The following ADAMTSL1 variants were observed in gnomAD, a reference collection of about 807,000 sequenced individuals.
ADAMTSL1 encodes ADAMTS-like protein 1.
A neutral mutation model predicts 201.8 loss-of-function variants in ADAMTSL1; 126 were observed. The ratio of observed to expected loss-of-function variants is 0.62; its 90% confidence interval spans 0.54 to 0.72. The LOEUF (loss-of-function observed/expected upper bound fraction) is 0.72, where lower values mean the gene tolerates loss of function less well. ADAMTSL1 is among the 30% of genes least tolerant of loss of function. The probability of loss-of-function intolerance (pLI) is 0.00; values close to 1 mark genes in which losing one functional copy is unlikely to be tolerated. For missense variants in ADAMTSL1, 2,679 were observed against 2,277.8 expected (o/e 1.18, Z -3.59); for synonymous variants, 1,121 against 903.4 (o/e 1.24, Z -4.32).
intron 1 of ADAMTSL1, among the ~76,000 whole-genome samples, chr9:17,994,781 C>T (rs1215645524): frequency 6.6e-6 from 1 of 152,086 alleles, no homozygotes; most frequent in East Asian, 1.9e-4. Context: ...AGGCTCTTTT[C>T]TAGGTAGACA....
chr9:18,618,858 C>A (rs184497338), intron 4 of ADAMTSL1, among the ~76,000 whole-genome samples: 4 of 152,128 alleles, frequency 2.6e-5, no homozygotes, highest in African/African-American at 9.7e-5. Flanking sequence ...GAAATGTATT[C>A]TTTTAACTGC....
chr9:18,175,365 G>C (rs572015912), intron 2 of ADAMTSL1, among the ~76,000 whole-genome samples: 18 of 152,248 alleles, frequency 1.2e-4, no homozygotes, highest in South Asian at 2.1e-4. Context: ...CCATTCTGCA[G>C]ACACTGTGCA....
At chr9:17,911,673 C>G (rs1431903089) in intron 1 of ADAMTSL1, among the ~76,000 whole-genome samples, 1 of 68,180 alleles carries the variant, frequency 1.5e-5, no homozygotes, top group African/African-American at 2.9e-5. Flanking sequence ...AACTAAAATT[C>G]TTTTTCTTAT....
At chr9:17,959,072 T>G (rs1817612765) in intron 1 of ADAMTSL1, among the ~76,000 whole-genome samples, 1 of 152,220 alleles carries the variant, frequency 6.6e-6, no homozygotes, top group Non-Finnish European at 1.5e-5. Context: ...TAATATAGTA[T>G]TATTTTTATT....
chr9:18,907,125 G>T, intron 28 of ADAMTSL1: 1 of 563,532 alleles, frequency 1.8e-6, no homozygotes, highest in Non-Finnish European at 3.1e-6. Context: ...GGGCTTCCAT[G>T]ATCTCCATCC....
intron 1 of ADAMTSL1, among the ~76,000 whole-genome samples, chr9:17,960,557 C>T (rs1563920392): frequency 6.6e-6 from 1 of 152,180 alleles, no homozygotes; most frequent in Non-Finnish European, 1.5e-5. Context: ...TTCTAGTCAT[C>T]ATTCATTGTA....
At chr9:18,302,701 A>G (rs1228551872) in intron 2 of ADAMTSL1, among the ~76,000 whole-genome samples, 2 of 152,210 alleles carry the variant, frequency 1.3e-5, no homozygotes, top group East Asian at 3.9e-4. Flanking sequence ...CTTTACTCAT[A>G]CTGCCTTTTA....
rs370940110 is a variant in ADAMTSL1 at position 18,681,697 on chromosome 9, T to TGTGTGTG, written c.1342-114_1342-113insTGTGTGG. 383 of 240,190 alleles carry TGTGTGTG rather than the reference T, an allele frequency of 1.6e-3. 4 individuals carry two copies. The highest frequency in any genetic ancestry group is 5.0e-3 in the East Asian group (80 of 15,904). The allele number at this position is 240,190 out of a possible 1,614,324, so 14.9% of individuals were successfully genotyped here. On this transcript the variant is annotated intron_variant, in intron 11 of 28. Coordinates refer to ENST00000380548, the MANE Select transcript of ADAMTSL1 (RefSeq NM_001040272.6). ...TATAAATTTACCAGGAGTCCTCGTGTGGGGGGGGGGGGCGGGGAAAAAGAA... is the reference window on the plus strand; with the variant it reads ...TATAAATTTACCAGGAGTCCTCGTGTGTGTGTGGGGGGGGGGGGGCGGGGAAAAAGAA...
chr9:18,804,578 G>A (rs183022889), intron 20 of ADAMTSL1, among the ~76,000 whole-genome samples: 267 of 152,272 alleles, frequency 1.8e-3, no homozygotes, highest in Non-Finnish European at 3.3e-3. Context: ...AAAGCTTCTG[G>A]CCAGCAAGGA....
intron 3 of ADAMTSL1, among the ~76,000 whole-genome samples, chr9:18,539,859 C>T (rs1820017926): frequency 6.6e-6 from 1 of 152,100 alleles, no homozygotes; most frequent in Non-Finnish European, 1.5e-5. Context: ...TATTAAGTTG[C>T]TTGGACCTAA....
chr9:18,157,545 G>T (rs886364945), intron 1 of ADAMTSL1, among the ~76,000 whole-genome samples: 1 of 151,872 alleles, frequency 6.6e-6, no homozygotes, highest in Non-Finnish European at 1.5e-5. Flanking sequence ...AATCAGACCC[G>T]AACTAAGCAG....
At chr9:18,340,758 TA>T (rs752369233) in intron 2 of ADAMTSL1, among the ~76,000 whole-genome samples, 1 of 152,140 alleles carries the variant, frequency 6.6e-6, no homozygotes, top group Non-Finnish European at 1.5e-5. Context: ...TGCTGCCATG[TA>T]AGATGTGCCT....
At chr9:18,353,121 G>A (rs550264663) in intron 2 of ADAMTSL1, among the ~76,000 whole-genome samples, 2 of 152,312 alleles carry the variant, frequency 1.3e-5, no homozygotes, top group East Asian at 3.9e-4. Flanking sequence ...TGACTTCAAT[G>A]TCAGGCTTGC....
chr9:18,451,849 T>C lies in ADAMTSL1; in HGVS notation c.208-52980T>C, dbSNP rs557077604. On this transcript the variant is annotated intron_variant, in intron 2 of 29. Transcript: ENST00000680146. Reference sequence around the variant, plus strand: ...GGCCCACATCTGGCAAGGGCCCTCATGTTGCATGGTGGAAGATGCAAAGGC... The same window carrying C: ...GGCCCACATCTGGCAAGGGCCCTCACGTTGCATGGTGGAAGATGCAAAGGC... 9.8e-5 allele frequency among the ~76,000 whole-genome samples: 15 copies of C among 152,330 alleles called. No individual in the cohort carries two copies. The South Asian group carries it at 1.0e-3, about 11-fold the overall frequency.
intron 23 of ADAMTSL1, among the ~76,000 whole-genome samples, chr9:18,831,909 T>C (rs1331851216): frequency 6.6e-6 from 1 of 152,176 alleles, no homozygotes; most frequent in Non-Finnish European, 1.5e-5. Flanking sequence ...AGCCTCATTA[T>C]GATGCTTTGG....
intron 2 of ADAMTSL1, among the ~76,000 whole-genome samples, chr9:18,518,286 C>T (rs773676482): frequency 5.3e-5 from 8 of 152,070 alleles, no homozygotes; most frequent in Non-Finnish European, 1.2e-4. Flanking sequence ...AGTTTTTCCA[C>T]CCCGCCCCCC....
chr9:17,942,613 C>G (rs1419171832), intron 1 of ADAMTSL1, among the ~76,000 whole-genome samples: 1 of 152,108 alleles, frequency 6.6e-6, no homozygotes, highest in Non-Finnish European at 1.5e-5. Context: ...TGGCCTGCAC[C>G]AAAATATCAA....
At chr9:18,005,562 C>T (rs534100539) in intron 1 of ADAMTSL1, among the ~76,000 whole-genome samples, 1 of 152,148 alleles carries the variant, frequency 6.6e-6, no homozygotes, top group South Asian at 2.1e-4. Flanking sequence ...ACTACTTTAT[C>T]TCTCTTGGTT....
At chr9:18,006,028 C>T (rs991168327) in intron 1 of ADAMTSL1, among the ~76,000 whole-genome samples, 5 of 151,682 alleles carry the variant, frequency 3.3e-5, no homozygotes, top group African/African-American at 1.2e-4. Flanking sequence ...TGGTAAAGTA[C>T]ACCATATATA....
Sources: gnomAD v4.1 joint callset for allele counts (sites outside exome capture counted in the v4.1 genomes callset) on GRCh38, gnomAD v4.1.1 for gene constraint, MANE v1.5 for transcripts, NCBI Gene and HGNC (gene_info 2026-07-23, HGNC 2026-07-21) for gene names.